TMTC2: variants seen among roughly 807,000 people sequenced by gnomAD.
The protein encoded by TMTC2 is transmembrane O-mannosyltransferase targeting cadherins 2, also known as protein O-mannosyl-transferase TMTC2.
In TMTC2, 43 loss-of-function variants were observed where a neutral mutation model predicts 82.4. The observed-to-expected ratio is 0.52, with a 90% CI of 0.41 to 0.67. TMTC2 has a LOEUF of 0.67. TMTC2 is among the 30% of genes least tolerant of loss of function. TMTC2 has a pLI of 0.00. For synonymous variants in TMTC2, 408 were observed against 381.9 expected (o/e 1.07, Z -0.80); for missense variants, 919 against 1,012.4 (o/e 0.91, Z 1.25).
chr12:82,973,057 A>T (rs1452239381), intron 7 of TMTC2, among the ~76,000 whole-genome samples: 1 of 152,158 alleles, frequency 6.6e-6, no homozygotes, highest in East Asian at 1.9e-4. Context: ...TGTGAAAGAG[A>T]TGGTTTTTAA....
At chr12:83,106,865 C>T (rs970147781) in intron 11 of TMTC2, among the ~76,000 whole-genome samples, 6 of 152,186 alleles carry the variant, frequency 3.9e-5, no homozygotes, top group Non-Finnish European at 8.8e-5. Flanking sequence ...CACTGGCAGC[C>T]TTTTACTGAA....
chr12:82,695,467 A>C (rs2136889515), intron 1 of TMTC2, among the ~76,000 whole-genome samples: 1 of 152,348 alleles, frequency 6.6e-6, no homozygotes, highest in South Asian at 2.1e-4. Flanking sequence ...GTTCTATTGT[A>C]AACCCAAAAT....
chr12:83,040,853 T>C (rs983575896), intron 9 of TMTC2, among the ~76,000 whole-genome samples: 9 of 151,922 alleles, frequency 5.9e-5, no homozygotes, highest in Non-Finnish European at 1.2e-4. Flanking sequence ...CCCGGCTAAT[T>C]TTTTTGTAAT....
intron 8 of TMTC2, among the ~76,000 whole-genome samples, chr12:82,997,536 A>C (rs1879723217): frequency 6.7e-6 from 1 of 148,458 alleles, no homozygotes; most frequent in Non-Finnish European, 1.5e-5. Flanking sequence ...CTTTGACTGT[A>C]AACATTAGCA....
chr12:83,010,743 T>G (rs1880416932), intron 8 of TMTC2, among the ~76,000 whole-genome samples: 1 of 152,202 alleles, frequency 6.6e-6, no homozygotes, highest in Non-Finnish European at 1.5e-5. Context: ...CCACCGATAT[T>G]CGTGAGATAT....
intron 11 of TMTC2, among the ~76,000 whole-genome samples, chr12:83,119,368 T>A (rs1317753320): frequency 6.6e-6 from 1 of 152,164 alleles, no homozygotes; most frequent in Non-Finnish European, 1.5e-5. Context: ...GTTCGAAGAA[T>A]TTTTAAATTT....
intron 1 of TMTC2, among the ~76,000 whole-genome samples, chr12:82,767,776 T>G (rs1355144754): frequency 6.6e-6 from 1 of 152,212 alleles, no homozygotes; most frequent in African/African-American, 2.4e-5. Flanking sequence ...GTTTATTTCT[T>G]CTTACGAAAA....
intron 1 of TMTC2, among the ~76,000 whole-genome samples, chr12:82,830,892 A>G (rs933975277): frequency 1.3e-5 from 2 of 152,192 alleles, no homozygotes; most frequent in African/African-American, 2.4e-5. Context: ...TATATTTTAC[A>G]TGGAAAAATA....
At chr12:82,868,261 G>A (rs1391359275) in intron 2 of TMTC2, among the ~76,000 whole-genome samples, 1 of 152,104 alleles carries the variant, frequency 6.6e-6, no homozygotes, top group Non-Finnish European at 1.5e-5. Context: ...GGCTATTCTA[G>A]AACCATATAG....
At chr12:82,703,832 G>T (rs987235772) in intron 1 of TMTC2, among the ~76,000 whole-genome samples, 1 of 152,146 alleles carries the variant, frequency 6.6e-6, no homozygotes. Context: ...TGGAACCAGA[G>T]CATCAAATAA....
chr12:82,747,921 G>C (rs1875773985), intron 1 of TMTC2, among the ~76,000 whole-genome samples: 1 of 152,140 alleles, frequency 6.6e-6, no homozygotes, highest in Non-Finnish European at 1.5e-5. Flanking sequence ...AGAAAATTGG[G>C]CTAGGTAATA....
chr12:82,781,399 CTTTTTTTTTTTT>C (rs71068954), intron 1 of TMTC2, among the ~76,000 whole-genome samples: 5 of 121,184 alleles, frequency 4.1e-5, no homozygotes, highest in South Asian at 2.8e-4. Flanking sequence ...GGAGTTTGCT[CTTTTTTTTTTTT>C]TTTTTTTTTA....
intron 9 of TMTC2, among the ~76,000 whole-genome samples, chr12:83,046,189 C>T (rs966051341): frequency 3.3e-5 from 5 of 152,140 alleles, no homozygotes; most frequent in African/African-American, 4.8e-5. Flanking sequence ...CATACGGATT[C>T]GCCACAATGC....
chr12:82,690,943 T>A (rs1872546709), intron 1 of TMTC2, among the ~76,000 whole-genome samples: 1 of 152,192 alleles, frequency 6.6e-6, no homozygotes, highest in African/African-American at 2.4e-5. Context: ...TTTCTTATCC[T>A]TTTTAATAAT....
At chr12:83,125,229 T>G (rs1885067383) in intron 11 of TMTC2, among the ~76,000 whole-genome samples, 1 of 152,200 alleles carries the variant, frequency 6.6e-6, no homozygotes, top group Non-Finnish European at 1.5e-5. Flanking sequence ...TGAGTGAACT[T>G]ATATCAAAGA....
chr12:82,950,595 G>A (rs956879712), intron 4 of TMTC2, among the ~76,000 whole-genome samples: 2 of 152,120 alleles, frequency 1.3e-5, no homozygotes, highest in East Asian at 1.9e-4. Flanking sequence ...GTTGTAAAGC[G>A]TCTTATTCAC....
At chr12:83,047,295 A>C (rs568084098) in intron 9 of TMTC2, among the ~76,000 whole-genome samples, 1 of 152,188 alleles carries the variant, frequency 6.6e-6, no homozygotes, top group African/African-American at 2.4e-5. Context: ...CCCCAATAAC[A>C]TATCACTTTA....
At chr12:82,962,616 G>C (rs1877993338) in intron 4 of TMTC2, among the ~76,000 whole-genome samples, 1 of 151,854 alleles carries the variant, frequency 6.6e-6, no homozygotes, top group Admixed American at 6.6e-5. Flanking sequence ...TTAGGTGGGA[G>C]ATACTGATTT....
chr12:82,699,198 TC>T (rs1872955687), intron 1 of TMTC2, among the ~76,000 whole-genome samples: 1 of 152,292 alleles, frequency 6.6e-6, no homozygotes, highest in Non-Finnish European at 1.5e-5. Flanking sequence ...GCCTGCTCCA[TC>T]CCCCATACAC....
Sources: gnomAD v4.1 joint callset for allele counts (sites outside exome capture counted in the v4.1 genomes callset) on GRCh38, gnomAD v4.1.1 for gene constraint, MANE v1.5 for transcripts, NCBI Gene and HGNC (gene_info 2026-07-23, HGNC 2026-07-21) for gene names.